The following VPS45 variants were observed in gnomAD, a reference collection of about 807,000 sequenced individuals.
VPS45 encodes the protein vacuolar protein sorting 45 homolog, also known as vacuolar protein sorting-associated protein 45.
VPS45 carries 35 observed loss-of-function variants against 75.9 expected under a neutral mutation model. That is an observed-to-expected ratio of 0.46 (90% CI 0.35 to 0.61). The LOEUF (loss-of-function observed/expected upper bound fraction) is 0.61. Ranked by LOEUF, VPS45 falls within the 20% of genes least tolerant of loss-of-function variation. The pLI, the probability that VPS45 is intolerant of heterozygous loss-of-function variation, is 0.00. For missense variants in VPS45, 559 were observed against 685.9 expected, an observed-to-expected ratio of 0.81 and a Z score of 2.07; for synonymous variants, 220 against 238.2, an observed-to-expected ratio of 0.92 and a Z score of 0.70.
At chr1:150,136,416 A>G (rs1410120090) in intron 14 of VPS45, among the ~76,000 whole-genome samples, 1 of 151,892 alleles carries the variant, frequency 6.6e-6, no homozygotes, top group East Asian at 1.9e-4. Flanking sequence ...TTAGCTGGGC[A>G]TGGTGGTGGA....
At chr1:150,082,092 C>T in intron 9 of VPS45, 95 bp downstream of exon 9, 1 of 740,964 alleles carries the variant, frequency 1.3e-6, no homozygotes, top group Non-Finnish European at 2.2e-6. Flanking sequence ...TAATTTCTAC[C>T]TTGATTGATT....
chr1:150,131,404 A>G (rs2101648343), intron 14 of VPS45, among the ~76,000 whole-genome samples: 1 of 152,240 alleles, frequency 6.6e-6, no homozygotes, highest in East Asian at 1.9e-4. Flanking sequence ...GATACTCAGG[A>G]GGCTGAGGCA....
At chr1:150,140,704 G>T (rs587744532) in intron 14 of VPS45, among the ~76,000 whole-genome samples, 2 of 151,954 alleles carry the variant, frequency 1.3e-5, no homozygotes, top group African/African-American at 2.4e-5. Context: ...GGATAAGGAG[G>T]GTCAAGGAAG....
At chr1:150,098,842 C>T in intron 13 of VPS45, 4 of 1,265,312 alleles carry the variant, frequency 3.2e-6, no homozygotes, top group South Asian at 1.3e-5. Context: ...TTTTTTTTCT[C>T]ACTCTAGAAT....
intron 6 of VPS45, 178 bp from the exon 7 acceptor site, chr1:150,077,491 T>G: frequency 1.5e-6 from 1 of 673,900 alleles, no homozygotes; most frequent in Non-Finnish European, 2.5e-6. Flanking sequence ...GGGTTTCATA[T>G]CCTAACCTCT....
At chr1:150,070,290 T>C (rs1553796803) in intron 2 of VPS45, among the ~76,000 whole-genome samples, 2 of 152,178 alleles carry the variant, frequency 1.3e-5, no homozygotes, top group African/African-American at 4.8e-5. Flanking sequence ...CCAATTCCTG[T>C]CACACAGTGG....
At chr1:150,077,827 T>C (rs587645878) in intron 7 of VPS45, 48 bp downstream of exon 7, 5 of 1,403,234 alleles carry the variant, frequency 3.6e-6, no homozygotes, top group Non-Finnish European at 5.0e-6. Flanking sequence ...TTAAGTGATA[T>C]TCATCAAAAT....
At chr1:150,091,054 G>A (rs181475603) in intron 10 of VPS45, among the ~76,000 whole-genome samples, 1 of 152,248 alleles carries the variant, frequency 6.6e-6, no homozygotes, top group East Asian at 1.9e-4. Context: ...GAACCAATAT[G>A]CCTTCTGTGT....
intron 4 of VPS45, 22 bp from the exon 5 acceptor site, chr1:150,076,894 A>G (rs374064221): frequency 9.9e-6 from 16 of 1,613,260 alleles, no homozygotes; most frequent in Admixed American, 8.3e-5. Flanking sequence ...TGGAATGACT[A>G]TTCTTGGTGC....
At chr1:150,114,515 G>A (rs902930591) in intron 14 of VPS45, among the ~76,000 whole-genome samples, 15 of 151,410 alleles carry the variant, frequency 9.9e-5, no homozygotes, top group South Asian at 4.2e-4. Flanking sequence ...AGGCCATGGC[G>A]GGAGGATCAT....
intron 13 of VPS45, among the ~76,000 whole-genome samples, chr1:150,106,759 G>A (rs1479097154): frequency 6.6e-6 from 1 of 152,098 alleles, no homozygotes; most frequent in African/African-American, 2.4e-5. Flanking sequence ...TTTGGTCCTA[G>A]ATTTTCCTGT....
intron 13 of VPS45, chr1:150,099,124 C>A: frequency 2.1e-6 from 2 of 939,306 alleles, no homozygotes; most frequent in Non-Finnish European, 2.6e-6. Flanking sequence ...AAGTGTAATG[C>A]TCCACAAAAT....
intron 3 of VPS45, 26 bp from the exon 4 acceptor site, chr1:150,076,207 A>C (rs1367271423): frequency 6.3e-7 from 1 of 1,585,256 alleles, no homozygotes; most frequent in African/African-American, 1.4e-5. Context: ...ATCTCCTTTG[A>C]GTCAACCCCA....
intron 2 of VPS45, among the ~76,000 whole-genome samples, chr1:150,071,231 G>T (rs1396723206): frequency 1.3e-5 from 2 of 151,836 alleles, no homozygotes; most frequent in Non-Finnish European, 2.9e-5. Flanking sequence ...AATAAAACCT[G>T]CATTATAATC....
chr1:150,067,934 T>C lies in VPS45; in HGVS notation c.77T>C (p.Leu26Pro). ...AGCGGGCCTGGTATGAAAGTACTTC[T>C]CATGGATAAAGAGACGGTGAGTTTG... is the stretch of plus-strand genomic sequence containing the variant. The part of the protein sequence containing the change: ...EDSGPGMKVL[L>P]MDKETTGIVS... Residue 26 changes from leucine to proline, a missense_variant, in exon 1 of 15, where the codon CTC becomes CCC. Physicochemically the swap from Leu to Pro is moderately conservative, Grantham distance 98. Coordinates refer to ENST00000644510, the MANE Select transcript of VPS45 (RefSeq NM_007259.5). 6.2e-7 allele frequency: 1 copy of C among 1,614,204 alleles called. No homozygotes were observed. Among genetic ancestry groups the C allele is most frequent in the Non-Finnish European group, 8.5e-7 (1 of 1,180,014 alleles).
At chr1:150,136,771 TAAAA>T (rs59528326) in intron 14 of VPS45, among the ~76,000 whole-genome samples, 1 of 121,796 alleles carries the variant, frequency 8.2e-6, no homozygotes. Flanking sequence ...GAGCAAGATT[TAAAA>T]AAAAAAAAAA....
In VPS45 at chr1:150,076,904, C is replaced by T. The variant is rs2101518150; in HGVS notation, c.370-12C>T. 2 of 1,613,776 alleles carry T rather than the reference C, an allele frequency of 1.2e-6. No homozygotes were observed. The highest frequency in any genetic ancestry group is 4.5e-5 in the East Asian group (2 of 44,836). On this transcript the variant is annotated splice_polypyrimidine_tract_variant and intron_variant, in intron 4 of 14. Coordinates refer to ENST00000644510, the MANE Select transcript of VPS45 (RefSeq NM_007259.5). ...GTTTATGGAATGACTATTCTTGGTG[C>T]TTTATTTGCAGGAATTTTATGGTGA...
At chr1:150,111,130 T>C (rs144509202) in intron 14 of VPS45, among the ~76,000 whole-genome samples, 14 of 152,332 alleles carry the variant, frequency 9.2e-5, no homozygotes, top group African/African-American at 3.1e-4. Context: ...CCTCAAGTTA[T>C]TGTCTATTAG....
At chr1:150,070,280 C>T (rs1553796796) in intron 2 of VPS45, among the ~76,000 whole-genome samples, 2 of 152,078 alleles carry the variant, frequency 1.3e-5, no homozygotes, top group Non-Finnish European at 2.9e-5. Context: ...CCCTATATTC[C>T]CAATTCCTGT....
Sources: allele counts gnomAD v4.1 joint callset (sites outside exome capture counted in the v4.1 genomes callset), GRCh38; gene constraint gnomAD v4.1.1; transcripts MANE v1.5; gene names NCBI Gene and HGNC (gene_info 2026-07-23, HGNC 2026-07-21).